The following SOD2 variants were observed in gnomAD, a reference collection of about 807,000 sequenced individuals.
SOD2 encodes superoxide dismutase [Mn], mitochondrial.
SOD2 carries 11 observed loss-of-function variants against 27.0 expected under a neutral mutation model. The ratio of observed to expected loss-of-function variants is 0.41; its 90% confidence interval spans 0.26 to 0.67. SOD2 has a LOEUF of 0.67. SOD2 is among the 30% of genes least tolerant of loss of function. The pLI, the probability that SOD2 is intolerant of heterozygous loss-of-function variation, is 0.34. For missense variants in SOD2, 250 were observed against 274.5 expected (o/e 0.91, Z 0.63); for synonymous variants, 105 against 103.0 (o/e 1.02, Z -0.12).
rs759931543 is a variant in SOD2 at position 159,688,203 on chromosome 6, T to C, written c.266A>G (p.Lys89Arg). The C allele has an allele frequency of 6.2e-7, 1 of 1,613,782 alleles. No homozygotes were observed. Reference sequence around the variant, plus strand: ...ATTGATATGACCACCACCATTGAACTTCAGTGCAGGCTGAAGAGCTATCTG... The same window carrying C: ...ATTGATATGACCACCACCATTGAACCTCAGTGCAGGCTGAAGAGCTATCTG... ...TAQIALQPAL[K>R]FNGGGHINHS... Residue 89 changes from lysine to arginine, a missense_variant, in exon 3 of 5, where the codon AAG becomes AGG. Physicochemically the swap from Lys to Arg is conservative, Grantham distance 26. Transcript: ENST00000538183.
chr6:159,737,379 C>T (rs905072386), intron 1 of SOD2, among the ~76,000 whole-genome samples: 1 of 152,104 alleles, frequency 6.6e-6, no homozygotes, highest in African/African-American at 2.4e-5. Context: ...TAATAGTTCC[C>T]TCGTTCCATT....
At position 159,752,094 on chromosome 6, in the gene SOD2, A is replaced by G. The variant is rs572529977; in HGVS notation, c.-335-3418T>C. Among the ~76,000 whole-genome samples the G allele has an allele frequency of 2.6e-5, 4 of 152,268 alleles. No homozygotes were observed. The South Asian group carries it at 6.2e-4, about 24-fold the overall frequency. On this transcript the variant is annotated intron_variant, in intron 1 of 7. Coordinates refer to the SOD2 transcript ENST00000546087. ...AAAAAAAAAATGCTGTAGGTGAAAG[A>G]ACCATGCAACACTTCAAAGATTGAT...
rs374498574 is a variant in SOD2, at chr6:159,752,532, CTA to C, written c.-335-3858_-335-3857del. On this transcript the variant is annotated intron_variant, in intron 1 of 7. Transcript: ENST00000546087. ...AGTATGTTGCACTAGCATTTGGAAA[CTA>C]TAATCTGTGGAAAGTGTGACACTCC... Among the ~76,000 whole-genome samples the C allele has an allele frequency of 2.6e-3, 398 of 152,250 alleles. 5 individuals are homozygous for C. The highest frequency in any genetic ancestry group is 9.0e-3 in the African/African-American group (372 of 41,554).
chr6:159,686,445 A>C lies in SOD2; in HGVS notation c.344-1412T>G, dbSNP rs532463844. Among the ~76,000 whole-genome samples the C allele has an allele frequency of 1.9e-4, 29 of 152,236 alleles. 1 individual carries two copies. In the South Asian group the frequency reaches 5.6e-3, roughly 29 times the overall value. ...GTGGATCACCTGAGGTCAGGAGTTC[A>C]AAACCAGCCTGACCAACATGGAGAA... On this transcript the variant is annotated intron_variant, in intron 3 of 4. Coordinates refer to ENST00000538183, the MANE Select transcript of SOD2 (RefSeq NM_000636.4).
At chr6:159,732,813 G>A (rs147241129) in intron 1 of SOD2, among the ~76,000 whole-genome samples, 428 of 152,052 alleles carry the variant, frequency 2.8e-3, no homozygotes, top group African/African-American at 9.9e-3. Context: ...AACAGAGACC[G>A]GGCGCAGGGG....
chr6:159,717,256 C>T (rs1777937451), intron 1 of SOD2, among the ~76,000 whole-genome samples: 1 of 152,050 alleles, frequency 6.6e-6, no homozygotes, highest in African/African-American at 2.4e-5. Flanking sequence ...TGTTTAAAAC[C>T]TAACTCTATC....
intron 1 of SOD2, among the ~76,000 whole-genome samples, chr6:159,733,236 G>A (rs549543340): frequency 1.3e-5 from 2 of 152,332 alleles, no homozygotes; most frequent in South Asian, 2.1e-4. Flanking sequence ...AGGACAGAGT[G>A]ACTTGCTCAG....
chr6:159,706,748 C>G (rs1460354790), intron 1 of SOD2, among the ~76,000 whole-genome samples: 3 of 152,194 alleles, frequency 2.0e-5, no homozygotes, highest in South Asian at 4.1e-4. Flanking sequence ...GAATTGAATT[C>G]AGCTCTGCAC....
chr6:159,693,134 T>C lies in SOD2; in HGVS notation c.23+11A>G. The C allele has an allele frequency of 6.5e-7, 1 of 1,531,016 alleles. No homozygotes were observed. Among genetic ancestry groups the C allele is most frequent in the Non-Finnish European group, 8.8e-7 (1 of 1,139,288 alleles). The allele number at this position is 1,531,016 out of a possible 1,614,324, so 94.8% of individuals were successfully genotyped here. A position where few individuals can be genotyped will look rare whatever the true frequency, so the allele number is the denominator to read the frequency against. ...CCCTTGGGGCCGTGACCGGGTCCCC[T>C]TTCTTCTCACCCGCACACTGCCCGG... On this transcript the variant is annotated intron_variant, in intron 1 of 4. Coordinates refer to ENST00000538183, the MANE Select transcript of SOD2 (RefSeq NM_000636.4).
intron 1 of SOD2, among the ~76,000 whole-genome samples, chr6:159,737,058 C>T (rs1280014185): frequency 6.6e-6 from 1 of 152,280 alleles, no homozygotes; most frequent in East Asian, 1.9e-4. Context: ...CTTTGATTTT[C>T]CTCCCTTGGA....
chr6:159,710,196 T>C (rs1259497074), intron 1 of SOD2, among the ~76,000 whole-genome samples: 1 of 151,576 alleles, frequency 6.6e-6, no homozygotes, highest in Non-Finnish European at 1.5e-5. Flanking sequence ...TACACCAACA[T>C]GGCACATGCA....
At position 159,723,999 on chromosome 6, in the gene SOD2, T is replaced by C. The variant is rs140004090; in HGVS notation, c.-116+3130A>G. Among the ~76,000 whole-genome samples the C allele has an allele frequency of 1.5e-3, 226 of 152,110 alleles. 1 individual carries two copies. In the East Asian group the frequency reaches 0.025, roughly 17 times the overall value. The stretch of plus-strand genomic sequence containing the variant: ...GCTGGTCTTGAACTCCTAAGCCACT[T>C]TGGCTTCCCAAAGCACTGGGATTAC... On this transcript the variant is annotated intron_variant, in intron 1 of 2. Transcript: ENST00000401980.
upstream of SOD2, among the ~76,000 whole-genome samples, chr6:159,695,004 T>C (rs1340299812): frequency 6.6e-6 from 1 of 151,866 alleles, no homozygotes; most frequent in African/African-American, 2.4e-5. Context: ...CTGAAAGTGG[T>C]TTTTCAGGCA....
upstream of SOD2, chr6:159,727,784 T>G (rs932017006): frequency 2.1e-6 from 2 of 955,890 alleles, no homozygotes; most frequent in Non-Finnish European, 2.5e-6. Flanking sequence ...CCCCGGCGGG[T>G]AAGGGGCGGG....
chr6:159,702,076 G>A (rs1427912892), intron 1 of SOD2, among the ~76,000 whole-genome samples: 1 of 152,166 alleles, frequency 6.6e-6, no homozygotes, highest in Non-Finnish European at 1.5e-5. Flanking sequence ...AAATATGGAT[G>A]CCCCAAATAA....
chr6:159,702,502 C>A (rs1465281820), intron 1 of SOD2, among the ~76,000 whole-genome samples: 1 of 151,132 alleles, frequency 6.6e-6, no homozygotes, highest in Admixed American at 6.6e-5. Flanking sequence ...ACCATGATGA[C>A]CAGGCTGGTC....
chr6:159,701,426 C>G (rs1777520720), intron 1 of SOD2, among the ~76,000 whole-genome samples: 1 of 152,110 alleles, frequency 6.6e-6, no homozygotes, highest in Non-Finnish European at 1.5e-5. Context: ...CGGGACCAAG[C>G]TGGGCGTGAT....
chr6:159,730,344 C>G (rs1778491057), upstream of SOD2, among the ~76,000 whole-genome samples: 1 of 152,054 alleles, frequency 6.6e-6, no homozygotes, highest in African/African-American at 2.4e-5. Flanking sequence ...TTCTGTTTTT[C>G]TGATACGAGA....
At chr6:159,707,357 G>A (rs1777646819) in intron 1 of SOD2, among the ~76,000 whole-genome samples, 1 of 151,930 alleles carries the variant, frequency 6.6e-6, no homozygotes, top group Non-Finnish European at 1.5e-5. Flanking sequence ...GATCACAATT[G>A]ATAGACCACT....
Sources: gnomAD v4.1 joint callset for allele counts (sites outside exome capture counted in the v4.1 genomes callset) on GRCh38, gnomAD v4.1.1 for gene constraint, MANE v1.5 for transcripts, NCBI Gene and HGNC (gene_info 2026-07-23, HGNC 2026-07-21) for gene names.